MBOAT2: variants seen among roughly 807,000 people sequenced by gnomAD.
MBOAT2 encodes the protein membrane-bound glycerophospholipid O-acyltransferase 2.
In MBOAT2, 28 loss-of-function variants were observed where a neutral mutation model predicts 63.4. The observed-to-expected ratio is 0.44, with a 90% CI of 0.33 to 0.61. The LOEUF is 0.61. Among genes scored for constraint, MBOAT2 ranks in the 20% least tolerant of loss-of-function variants. The pLI is 0.03. For missense variants in MBOAT2, 470 were observed against 605.8 expected (o/e 0.78, Z 2.35); for synonymous variants, 211 against 215.6 (o/e 0.98, Z 0.19).
chr2:8,984,423 AAC>A (rs1379134253), intron 1 of MBOAT2, among the ~76,000 whole-genome samples: 3 of 152,210 alleles, frequency 2.0e-5, no homozygotes, highest in Non-Finnish European at 4.4e-5. Context: ...GTTTGTGGTT[AAC>A]ACTACGAAGA....
intron 6 of MBOAT2, among the ~76,000 whole-genome samples, chr2:8,880,553 C>T (rs13423061): frequency 0.016 from 2,468 of 152,146 alleles, 25 homozygotes; most frequent in Middle Eastern, 0.034. Flanking sequence ...GTGGATTGGG[C>T]GGGAATATAA....
chr2:8,971,100 C>T lies in MBOAT2; in HGVS notation c.76-12458G>A, dbSNP rs186228896. Among the ~76,000 whole-genome samples the T allele has an allele frequency of 3.9e-3, 600 of 152,254 alleles. 6 individuals carry two copies. The highest frequency in any genetic ancestry group is 0.013 in the African/African-American group (544 of 41,556). On this transcript the variant is annotated intron_variant, in intron 1 of 12. Coordinates refer to ENST00000305997, the MANE Select transcript of MBOAT2 (RefSeq NM_138799.4). ...TTAGACCAATATCCCTGATGAACGT[C>T]GATGCAAAAATCCTCAGTAAAATAC...
At chr2:8,865,269 T>C (rs931077197) in intron 9 of MBOAT2, among the ~76,000 whole-genome samples, 3 of 152,148 alleles carry the variant, frequency 2.0e-5, no homozygotes, top group Non-Finnish European at 2.9e-5. Context: ...TAATACCCCA[T>C]CTATATCTCT....
intron 1 of MBOAT2, among the ~76,000 whole-genome samples, chr2:8,981,754 C>A (rs755108050): frequency 3.3e-5 from 5 of 152,116 alleles, no homozygotes; most frequent in Non-Finnish European, 5.9e-5. Flanking sequence ...CTATGTGTAT[C>A]CAGCCATGTT....
Position 8,912,365 on chromosome 2 carries a change from GAA to G in MBOAT2, c.300-3651_300-3650del, listed in dbSNP as rs1395575861. ...AAAGAAAGAAAGAGAAAGAAAGAAA[GAA>G]AGAAAGAGAAAGAAAGAAAGAAAGA... On this transcript the variant is annotated intron_variant, in intron 3 of 12. Coordinates refer to ENST00000305997, the MANE Select transcript of MBOAT2 (RefSeq NM_138799.4). Among the ~76,000 whole-genome samples the G allele has an allele frequency of 7.8e-3, 729 of 93,466 alleles. 8 individuals are homozygous for G. Among genetic ancestry groups the G allele is most frequent in the African/African-American group, 0.026 (576 of 22,450 alleles). The allele number at this position is 93,466 out of a possible 152,430, so 61.3% of individuals were successfully genotyped here.
At chr2:8,963,457 C>T (rs1573184362) in intron 1 of MBOAT2, among the ~76,000 whole-genome samples, 1 of 152,088 alleles carries the variant, frequency 6.6e-6, no homozygotes. Context: ...GCATGCACTA[C>T]CACGCCCGGC....
chr2:8,938,311 T>A (rs1299517877), intron 3 of MBOAT2, among the ~76,000 whole-genome samples: 1 of 152,108 alleles, frequency 6.6e-6, no homozygotes, highest in Non-Finnish European at 1.5e-5. Context: ...TGGGAAAGCA[T>A]GCCTTGAGAT....
In MBOAT2 at chr2:8,857,818, G is replaced by A. The variant is rs1407925303; in HGVS notation, c.*861C>T. ...TCTCACATGACGGCGCAGAGCCCTGGCATGGGGGGGAAGCTGCCTGCAGAG... is the reference window on the plus strand; with the variant it reads ...TCTCACATGACGGCGCAGAGCCCTGACATGGGGGGGAAGCTGCCTGCAGAG... On this transcript the variant is annotated 3_prime_UTR_variant, in exon 13 of 13. Coordinates refer to ENST00000305997, the MANE Select transcript of MBOAT2 (RefSeq NM_138799.4). 6.6e-6 allele frequency: 1 copy of A among 152,176 alleles called. No individual in the cohort carries two copies. The highest frequency in any genetic ancestry group is 1.5e-5 in the Non-Finnish European group (1 of 68,046). The allele number at this position is 152,176 out of a possible 1,614,324, so 9.4% of individuals were successfully genotyped here.
At chr2:8,935,819 C>A (rs1423215322) in intron 3 of MBOAT2, among the ~76,000 whole-genome samples, 1 of 152,142 alleles carries the variant, frequency 6.6e-6, no homozygotes, top group Non-Finnish European at 1.5e-5. Context: ...CCAACCAGTG[C>A]CCATAAAAAT....
At chr2:8,870,195 G>C (rs1662213262) in intron 8 of MBOAT2, among the ~76,000 whole-genome samples, 1 of 152,134 alleles carries the variant, frequency 6.6e-6, no homozygotes. Context: ...TTGAGTTAAA[G>C]GGAAAAAAAG....
intron 7 of MBOAT2, among the ~76,000 whole-genome samples, chr2:8,874,129 A>G (rs1451459989): frequency 6.6e-6 from 1 of 152,238 alleles, no homozygotes; most frequent in Non-Finnish European, 1.5e-5. Context: ...GTAATTTATC[A>G]ATGAAGCTCC....
chr2:8,887,656 G>A (rs1335905635), intron 5 of MBOAT2, among the ~76,000 whole-genome samples: 1 of 152,168 alleles, frequency 6.6e-6, no homozygotes, highest in Non-Finnish European at 1.5e-5. Flanking sequence ...AAGGAGAAGA[G>A]GTGGGGGAAG....
intron 2 of MBOAT2, among the ~76,000 whole-genome samples, chr2:8,951,494 C>T (rs950813893): frequency 2.6e-5 from 4 of 152,130 alleles, no homozygotes; most frequent in Admixed American, 6.5e-5. Flanking sequence ...TGTGAGCCAC[C>T]GTGCCCTGCC....
intron 3 of MBOAT2, among the ~76,000 whole-genome samples, chr2:8,934,652 C>T (rs1667538720): frequency 6.6e-6 from 1 of 152,180 alleles, no homozygotes; most frequent in Admixed American, 6.5e-5. Context: ...CCAAGAGGGC[C>T]TGTACCTTTA....
At chr2:8,901,367 C>T (rs377302086) in intron 4 of MBOAT2, among the ~76,000 whole-genome samples, 1 of 152,080 alleles carries the variant, frequency 6.6e-6, no homozygotes, top group African/African-American at 2.4e-5. Flanking sequence ...TTCTCAAAAA[C>T]GTGCACCCTT....
intron 1 of MBOAT2, among the ~76,000 whole-genome samples, chr2:8,991,399 G>GGGTA (rs1455459630): frequency 6.6e-6 from 1 of 152,096 alleles, no homozygotes; most frequent in Admixed American, 6.5e-5. Flanking sequence ...CACTGTAATG[G>GGGTA]GGTATTAACT....
intron 1 of MBOAT2, chr2:8,974,584 G>A (rs1366477041): frequency 2.9e-6 from 1 of 343,632 alleles, no homozygotes; most frequent in African/African-American, 2.1e-5. Flanking sequence ...AATATCTCTG[G>A]AAGGATACCC....
chr2:8,880,800 C>T (rs1362930614), intron 6 of MBOAT2, among the ~76,000 whole-genome samples: 4 of 152,268 alleles, frequency 2.6e-5, no homozygotes, highest in East Asian at 1.9e-4. Flanking sequence ...GCCAATGCTG[C>T]GAGGTTCAGC....
intron 4 of MBOAT2, among the ~76,000 whole-genome samples, chr2:8,898,593 A>C (rs1342725012): frequency 6.6e-6 from 1 of 152,226 alleles, no homozygotes; most frequent in Non-Finnish European, 1.5e-5. Flanking sequence ...TGGTGGCCAA[A>C]AGTAAATCAT....
Sources: allele counts gnomAD v4.1 joint callset (sites outside exome capture counted in the v4.1 genomes callset), GRCh38; gene constraint gnomAD v4.1.1; transcripts MANE v1.5; gene names NCBI Gene and HGNC (gene_info 2026-07-23, HGNC 2026-07-21).